The following DOCK2 variants were observed in gnomAD, a reference collection of about 807,000 sequenced individuals.
DOCK2 encodes dedicator of cytokinesis protein 2.
In DOCK2, 87 loss-of-function variants were observed where a neutral mutation model predicts 248.9. That is an observed-to-expected ratio of 0.35 (90% CI 0.29 to 0.42). The LOEUF (loss-of-function observed/expected upper bound fraction) is 0.42. DOCK2 is among the 10% of genes least tolerant of loss of function. DOCK2 has a pLI of 1.00. For synonymous variants in DOCK2, 805 were observed against 821.6 expected (o/e 0.98, Z 0.35); for missense variants, 1,747 against 2,300.2 (o/e 0.76, Z 4.92).
chr5:170,057,969 T>C (rs1757194635), intron 44 of DOCK2, among the ~76,000 whole-genome samples: 1 of 152,024 alleles, frequency 6.6e-6, no homozygotes, highest in Non-Finnish European at 1.5e-5. Context: ...TGGAACACAA[T>C]CATTAATCAT....
rs779476521 is a variant in DOCK2, at chr5:170,077,831, C to T, written c.4988C>T (p.Ser1663Leu). Residue 1663 changes from serine to leucine, a missense_variant, in exon 48 of 52, where the codon TCA becomes TTA. By Grantham distance (145) the Ser-to-Leu change is moderately radical. This residue lies in a region of DOCK2 where 513 missense variants were observed against 586.1 expected (regional missense o/e 0.88). Transcript: ENST00000520908. ...TGCAGCACCCCCAGCAAGCCTACCT[C>T]AGAGAGGTCAGTCCCTGCACCCCAA... ...SDCSTPSKPT[S>L]ESFDLELASP... is the part of the protein sequence containing the mutation. 6.8e-6 allele frequency: 11 copies of T among 1,612,782 alleles called. No individual in the cohort carries two copies. The African/African-American group carries it at 1.5e-4, about 22-fold the overall frequency.
chr5:169,660,975 A>C (rs1008636617), intron 2 of DOCK2, among the ~76,000 whole-genome samples: 1 of 65,218 alleles, frequency 1.5e-5, no homozygotes, highest in Non-Finnish European at 3.6e-5. Flanking sequence ...CTTTAGTGCA[A>C]AAAAAAAATG....
intron 27 of DOCK2, among the ~76,000 whole-genome samples, chr5:169,939,234 T>C (rs1473139076): frequency 6.6e-6 from 1 of 150,950 alleles, no homozygotes; most frequent in African/African-American, 2.4e-5. Flanking sequence ...TTTAAGCTCT[T>C]TTGTTAAAAA....
At chr5:169,713,782 T>C (rs1761717447) in intron 17 of DOCK2, among the ~76,000 whole-genome samples, 1 of 152,252 alleles carries the variant, frequency 6.6e-6, no homozygotes, top group African/African-American at 2.4e-5. Flanking sequence ...ATTTTGCCAT[T>C]AATGAGGTTC....
intron 26 of DOCK2, among the ~76,000 whole-genome samples, chr5:169,805,113 T>C (rs919967184): frequency 3.3e-5 from 5 of 151,360 alleles, no homozygotes; most frequent in African/African-American, 1.2e-4. Context: ...GGGAGGTTGA[T>C]CATGCCTGTG....
chr5:169,977,557 C>G (rs923488434), intron 27 of DOCK2, among the ~76,000 whole-genome samples: 3 of 152,192 alleles, frequency 2.0e-5, no homozygotes, highest in Non-Finnish European at 4.4e-5. Context: ...AGGCACAAGA[C>G]CCTGCTCGAG....
chr5:169,646,479 C>A (rs572619738), intron 1 of DOCK2, among the ~76,000 whole-genome samples: 1 of 152,206 alleles, frequency 6.6e-6, no homozygotes, highest in East Asian at 1.9e-4. Flanking sequence ...TGGAAGTTGC[C>A]CCTTTTCACC....
intron 27 of DOCK2, among the ~76,000 whole-genome samples, chr5:169,927,911 C>T (rs905644339): frequency 2.6e-5 from 4 of 152,156 alleles, no homozygotes; most frequent in African/African-American, 7.2e-5. Context: ...ACACTGCTCC[C>T]GGCCCGAAAA....
intron 23 of DOCK2, among the ~76,000 whole-genome samples, chr5:169,752,893 C>T (rs1749063459): frequency 6.6e-6 from 1 of 151,990 alleles, no homozygotes; most frequent in African/African-American, 2.4e-5. Context: ...GGTGAAATCT[C>T]GCCTCTACTA....
At chr5:169,937,259 A>G (rs1776038544) in intron 27 of DOCK2, among the ~76,000 whole-genome samples, 1 of 152,168 alleles carries the variant, frequency 6.6e-6, no homozygotes, top group Non-Finnish European at 1.5e-5. Flanking sequence ...TTCAACATTT[A>G]TTATCTGGCC....
chr5:169,972,538 G>A lies in DOCK2; in HGVS notation c.2800-10530G>A, dbSNP rs1777543229. 2.3e-5 allele frequency among the ~76,000 whole-genome samples: 3 copies of A among 129,294 alleles called. No homozygotes were observed. In the Admixed American group the frequency reaches 2.3e-4, roughly 10 times the overall value. 84.8% of individuals were successfully genotyped at this position (129,294 alleles called of 152,430 possible). On this transcript the variant is annotated intron_variant, in intron 27 of 51. Coordinates refer to ENST00000520908, the MANE Select transcript of DOCK2 (RefSeq NM_004946.3). Reference sequence around the variant, plus strand: ...AATTGCCCCAGTTAAGAGCCACTGTGAGACAGATAGATAGATAGATAGATA... The same window carrying A: ...AATTGCCCCAGTTAAGAGCCACTGTAAGACAGATAGATAGATAGATAGATA...
intron 27 of DOCK2, among the ~76,000 whole-genome samples, chr5:169,965,219 A>G (rs2113753670): frequency 6.6e-6 from 1 of 152,290 alleles, no homozygotes. Context: ...TGCTCCTTAA[A>G]TTTCCATGGG....
intron 26 of DOCK2, among the ~76,000 whole-genome samples, chr5:169,835,075 T>C (rs552467698): frequency 2.6e-5 from 4 of 151,222 alleles, no homozygotes; most frequent in African/African-American, 9.7e-5. Flanking sequence ...AAATGAGGAG[T>C]GTGCAAGAAA....
At chr5:169,903,985 G>A (rs774578923) in intron 27 of DOCK2, among the ~76,000 whole-genome samples, 6 of 151,806 alleles carry the variant, frequency 4.0e-5, no homozygotes, top group Non-Finnish European at 4.4e-5. Context: ...CCAGTTACTC[G>A]GGAGGGCTGA....
At chr5:170,032,042 T>C (rs1349494675) in intron 34 of DOCK2, among the ~76,000 whole-genome samples, 2 of 136,764 alleles carry the variant, frequency 1.5e-5, no homozygotes, top group Admixed American at 7.0e-5. Flanking sequence ...TTTTTTTTTT[T>C]TTGAGACGGA....
rs1241044327 is a variant in DOCK2 at position 169,712,191 on chromosome 5, C to T, written c.1627C>T (p.His543Tyr). 6.2e-7 allele frequency: 1 copy of T among 1,613,980 alleles called. No homozygotes were observed. The highest frequency in any genetic ancestry group is 1.3e-5 in the African/African-American group (1 of 74,916). Residue 543 changes from histidine to tyrosine, a missense_variant, in exon 17 of 52, where the codon CAC becomes TAC. His to Tyr is a moderately conservative substitution (Grantham distance 83). Coordinates refer to ENST00000520908, the MANE Select transcript of DOCK2 (RefSeq NM_004946.3). Reference sequence around the variant, plus strand: ...GATGAAAGAAGATGGGACTACTCTACACGATGGATTCCATGACTTAGTTGT... The same window carrying T: ...GATGAAAGAAGATGGGACTACTCTATACGATGGATTCCATGACTTAGTTGT... ...KLMKEDGTTL[H>Y]DGFHDLVVLK...
Position 169,726,679 on chromosome 5 carries a change from G to A in DOCK2, c.2267+7888G>A, listed in dbSNP as rs901536156. ...GTGCTAGGCACTTTGTTAAGTCATG[G>A]GGACCCTGAAATTAGTAAGTCAGCC... On this transcript the variant is annotated intron_variant, in intron 22 of 51. Transcript: ENST00000520908. 2.6e-5 allele frequency among the ~76,000 whole-genome samples: 4 copies of A among 152,252 alleles called. No individual in the cohort carries two copies. In the East Asian group the frequency reaches 7.7e-4, roughly 29 times the overall value.
At chr5:169,874,590 T>G (rs13355609) in intron 27 of DOCK2, among the ~76,000 whole-genome samples, 1 of 151,848 alleles carries the variant, frequency 6.6e-6, no homozygotes, top group Non-Finnish European at 1.5e-5. Context: ...ATGGTCAGCA[T>G]TTGGACACCC....
At chr5:170,075,885 G>T in intron 46 of DOCK2, 62 bp from the exon 47 acceptor site, 4 of 1,597,604 alleles carry the variant, frequency 2.5e-6, no homozygotes, top group South Asian at 1.1e-5. Context: ...CTTGATGGGC[G>T]GGGTGCCAGG....
Sources: gnomAD v4.1 joint callset for allele counts (sites outside exome capture counted in the v4.1 genomes callset) on GRCh38, gnomAD v4.1.1 for gene constraint, gnomAD v4.1.1 regional missense constraint, MANE v1.5 for transcripts, NCBI Gene and HGNC (gene_info 2026-07-23, HGNC 2026-07-21) for gene names.